The following VIPR1 variants were observed in gnomAD, a reference collection of about 807,000 sequenced individuals.
The protein encoded by VIPR1 is vasoactive intestinal polypeptide receptor 1.
In VIPR1, 59 loss-of-function variants were observed where a neutral mutation model predicts 58.8. The observed-to-expected ratio is 1.00, with a 90% CI of 0.81 to 1.25. The LOEUF (loss-of-function observed/expected upper bound fraction) is 1.25. Ranked by LOEUF, VIPR1 falls within the 50% of genes most tolerant of loss-of-function variation. VIPR1 has a pLI of 0.00. For missense variants in VIPR1, 626 were observed against 602.7 expected (o/e 1.04, Z -0.40); for synonymous variants, 251 against 242.1 (o/e 1.04, Z -0.34).
intron 1 of VIPR1, among the ~76,000 whole-genome samples, chr3:42,490,343 T>A (rs1699644309): frequency 6.6e-6 from 1 of 152,216 alleles, no homozygotes; most frequent in Admixed American, 6.5e-5. Flanking sequence ...AGGGTCCCTA[T>A]CCTTATTCCT....
intron 1 of VIPR1, among the ~76,000 whole-genome samples, chr3:42,504,495 C>A (rs1210581191): frequency 6.6e-6 from 1 of 152,108 alleles, no homozygotes; most frequent in African/African-American, 2.4e-5. Context: ...CACCCTTCAG[C>A]CCTACCCACC....
intron 1 of VIPR1, among the ~76,000 whole-genome samples, chr3:42,496,324 A>G (rs1342844720): frequency 2.0e-5 from 3 of 152,260 alleles, no homozygotes; most frequent in Non-Finnish European, 2.9e-5. Flanking sequence ...ATTCCTGGAC[A>G]TGATTTACAC....
chr3:42,490,724 G>T (rs1292576632), intron 1 of VIPR1, among the ~76,000 whole-genome samples: 1 of 152,120 alleles, frequency 6.6e-6, no homozygotes, highest in East Asian at 1.9e-4. Context: ...TTAGGAGTTG[G>T]GGGGAAGGGA....
rs535530074 is a variant in VIPR1 at position 42,496,117 on chromosome 3, A to G, written c.-245+6439A>G. 1.7e-3 allele frequency among the ~76,000 whole-genome samples: 257 copies of G among 152,174 alleles called. 1 individual carries two copies. Among genetic ancestry groups the G allele is most frequent in the Non-Finnish European group, 3.1e-3 (211 of 68,000 alleles). On this transcript the variant is annotated intron_variant, in intron 1 of 13. Transcript: ENST00000433647. ...CCAGGCGTGGTGGCGTGTGCCTGTA[A>G]TCCCAGCTACTCGGGAGGCTGAAGC...
At chr3:42,530,727 C>T in intron 6 of VIPR1, 52 bp from the exon 7 acceptor site, 1 of 1,599,632 alleles carries the variant, frequency 6.3e-7, no homozygotes, top group South Asian at 1.1e-5. Context: ...TGTGGGCAGT[C>T]AAGGACCCTT....
At chr3:42,532,788 C>T (rs1045494391) in intron 10 of VIPR1, 1 of 196,204 alleles carries the variant, frequency 5.1e-6, no homozygotes, top group Non-Finnish European at 1.1e-5. Context: ...ATGATGACAC[C>T]TGCAGTTTAC....
intron 2 of VIPR1, among the ~76,000 whole-genome samples, chr3:42,516,312 C>A (rs1203686941): frequency 6.6e-6 from 1 of 152,170 alleles, no homozygotes; most frequent in Admixed American, 6.5e-5. Context: ...CGTTGCCTAG[C>A]CCAGGACAAC....
At position 42,528,115 on chromosome 3, in the gene VIPR1, G is replaced by A. The variant is rs759116545; in HGVS notation, c.628G>A (p.Glu210Lys). The A allele has an allele frequency of 4.6e-5, 74 of 1,613,372 alleles. No individual in the cohort carries two copies. Among genetic ancestry groups the A allele is most frequent in the South Asian group, 5.5e-5 (5 of 91,062 alleles). The change falls in exon 6 of 13, where the codon GAG (glutamate) becomes AAG (lysine). Residue 210 changes from glutamate (E) to lysine (K), a missense_variant. Coordinates refer to ENST00000325123, the MANE Select transcript of VIPR1 (RefSeq NM_004624.4). ...FDSGESDQCS[E>K]GSVGCKAAMV... is the part of the protein sequence containing the mutation. ...CAGCGGGGAGTCGGACCAGTGCTCC[G>A]AGGGCTCGGTGAGGATCCTGGCCCT...
Position 42,536,422 on chromosome 3 carries a change from G to C in VIPR1, c.*141G>C. On this transcript the variant is annotated 3_prime_UTR_variant, in exon 13 of 13. Coordinates refer to ENST00000325123, the MANE Select transcript of VIPR1 (RefSeq NM_004624.4). ...GCTGCCCCCGGCCCCCTGGTCTCTG[G>C]TCCGGACACTCCTAGAGAACGCAGC... The C allele has an allele frequency of 1.1e-6, 1 of 900,574 alleles. No homozygotes were observed. Among genetic ancestry groups the C allele is most frequent in the Non-Finnish European group, 1.6e-6 (1 of 624,068 alleles). The allele number at this position is 900,574 out of a possible 1,614,324, so 55.8% of individuals were successfully genotyped here. A position where few individuals can be genotyped will look rare whatever the true frequency, so the allele number is the denominator to read the frequency against.
rs1379859137 is a variant in VIPR1 at position 42,519,331 on chromosome 3, G to A, written c.292+1G>A. 3.7e-6 allele frequency: 6 copies of A among 1,603,382 alleles called. No homozygotes were observed. Among genetic ancestry groups the A allele is most frequent in the Non-Finnish European group, 5.1e-6 (6 of 1,174,950 alleles). Reference sequence around the variant, plus strand: ...TTCAAGCTCTTCTCCTCCATTCAAGGTAAGACCCCTGGGTTGAAGAGGTGA... The same window carrying A: ...TTCAAGCTCTTCTCCTCCATTCAAGATAAGACCCCTGGGTTGAAGAGGTGA... On this transcript the variant is annotated splice_donor_variant, in intron 3 of 12. Transcript: ENST00000325123. LOFTEE classifies it high-confidence loss of function.
rs148027479 is a variant in VIPR1, at chr3:42,497,622, T to C, written c.-245+7944T>C. Reference sequence around the variant, plus strand: ...GTCGCCACCCAAATGTCATCTTGAATTGTAGCTCTCATAATTCCCATGTGT... The same window carrying C: ...GTCGCCACCCAAATGTCATCTTGAACTGTAGCTCTCATAATTCCCATGTGT... On this transcript the variant is annotated intron_variant, in intron 1 of 13. Coordinates refer to the VIPR1 transcript ENST00000433647. 5.6e-4 allele frequency among the ~76,000 whole-genome samples: 86 copies of C among 152,312 alleles called. 1 individual carries two copies. The highest frequency in any genetic ancestry group is 3.4e-3 in the Middle Eastern group (1 of 294).
chr3:42,513,607 G>T, intron 1 of VIPR1, 142 bp from the exon 2 acceptor site: 1 of 849,874 alleles, frequency 1.2e-6, no homozygotes, highest in Non-Finnish European at 1.8e-6. Context: ...TCAGGTTCAG[G>T]TTTCAGTCTT....
At position 42,513,767 on chromosome 3, in the gene VIPR1, C is replaced by T; in HGVS notation, c.97C>T (p.Leu33=). 6.4e-7 allele frequency: 1 copy of T among 1,551,452 alleles called. No individual in the cohort carries two copies. Among genetic ancestry groups the T allele is most frequent in the Non-Finnish European group, 8.7e-7 (1 of 1,146,874 alleles). Residue 33 remains leucine, a synonymous_variant, in exon 2 of 13, where the codon CTG becomes TTG. Transcript: ENST00000325123. The part of the protein sequence containing the change: ...LGPAGGQAAR[L]QEECDYVQMI... ...TTCTCAGGGCGGCCAGGCGGCCAGG[C>T]TGCAGGAGGAGTGTGACTATGTGCA...
chr3:42,525,837 C>G (rs1701199751), intron 3 of VIPR1, 50 bp from the exon 4 acceptor site: 1 of 1,516,720 alleles, frequency 6.6e-7, no homozygotes, highest in Non-Finnish European at 8.9e-7. Context: ...ACAGCCAGGT[C>G]CCCATGCTCC....
intron 2 of VIPR1, among the ~76,000 whole-genome samples, chr3:42,514,582 C>CACACACAT (rs1700533030): frequency 2.0e-5 from 3 of 150,532 alleles, no homozygotes; most frequent in Admixed American, 2.0e-4. Context: ...CATACACACA[C>CACACACAT]GCCCAGCCCC....
At position 42,519,242 on chromosome 3, in the gene VIPR1, C is replaced by A. The variant is rs1700787598; in HGVS notation, c.204C>A (p.Asp68Glu). Residue 68 changes from aspartate to glutamate, a missense_variant, in exon 3 of 13, where the codon GAC becomes GAA. Asp to Glu is a conservative substitution (Grantham distance 45, BLOSUM62 2). Transcript: ENST00000325123. ...NETIGCSKMW[D>E]NLTCWPATPR... ...CCATAGGCTGCAGCAAGATGTGGGACAACCTCACCTGCTGGCCAGCCACCC... is the reference window on the plus strand; with the variant it reads ...CCATAGGCTGCAGCAAGATGTGGGAAAACCTCACCTGCTGGCCAGCCACCC... 6.2e-7 allele frequency: 1 copy of A among 1,609,874 alleles called. No homozygotes were observed.
At chr3:42,513,311 G>A (rs1482523339) in intron 1 of VIPR1, 2 of 153,726 alleles carry the variant, frequency 1.3e-5, no homozygotes, top group African/African-American at 4.8e-5. Flanking sequence ...CTGGGAACCA[G>A]AGGCCAGGAT....
chr3:42,511,344 A>C (rs1293503838), intron 1 of VIPR1, among the ~76,000 whole-genome samples: 1 of 152,132 alleles, frequency 6.6e-6, no homozygotes, highest in African/African-American at 2.4e-5. Flanking sequence ...ACTTAATCCA[A>C]AGTCCCAGGA....
At chr3:42,527,708 C>A in intron 5 of VIPR1, 1 of 635,782 alleles carries the variant, frequency 1.6e-6, no homozygotes, top group African/African-American at 1.8e-5. Flanking sequence ...CTAGGATGGC[C>A]CTGCACCTGG....
Sources: allele counts gnomAD v4.1 joint callset (sites outside exome capture counted in the v4.1 genomes callset), GRCh38; gene constraint gnomAD v4.1.1; transcripts MANE v1.5; gene names NCBI Gene and HGNC (gene_info 2026-07-23, HGNC 2026-07-21).